The following RYR2 variants were observed in gnomAD, a reference collection of about 807,000 sequenced individuals.
RYR2 encodes the protein cardiac muscle ryanodine receptor-calcium release channel.
RYR2 carries 227 observed loss-of-function variants against 601.1 expected under a neutral mutation model. The ratio of observed to expected loss-of-function variants is 0.38; its 90% CI spans 0.34 to 0.42. The LOEUF (loss-of-function observed/expected upper bound fraction) is 0.42. Among genes scored for constraint, RYR2 ranks in the 10% least tolerant of loss-of-function variants. The pLI is 1.00. For synonymous variants in RYR2, 2,223 were observed against 2,175.1 expected (o/e 1.02, Z -0.61); for missense variants, 4,646 against 6,156.5 (o/e 0.75, Z 8.21).
chr1:237,305,612 T>C (rs922127598), intron 2 of RYR2, among the ~76,000 whole-genome samples: 7 of 152,094 alleles, frequency 4.6e-5, no homozygotes, highest in Non-Finnish European at 1.0e-4. Flanking sequence ...TTGTATTTTT[T>C]GTAGAGATGG....
chr1:237,171,126 C>A (rs928738556), intron 1 of RYR2, among the ~76,000 whole-genome samples: 1 of 151,258 alleles, frequency 6.6e-6, no homozygotes, highest in Non-Finnish European at 1.5e-5. Context: ...GCCAGCTACT[C>A]GGGAGGCTGA....
At chr1:237,714,558 C>T (rs1305665858) in intron 71 of RYR2, among the ~76,000 whole-genome samples, 2 of 152,108 alleles carry the variant, frequency 1.3e-5, no homozygotes, top group African/African-American at 4.8e-5. Context: ...GTCTTTCTTG[C>T]CATTTTCCTG....
At chr1:237,544,363 A>T (rs1669589092) in intron 25 of RYR2, among the ~76,000 whole-genome samples, 1 of 152,318 alleles carries the variant, frequency 6.6e-6, no homozygotes, top group Admixed American at 6.5e-5. Flanking sequence ...GAAGTTTCTC[A>T]TGATGTTTGA....
chr1:237,049,606 C>T (rs1661004403), intron 1 of RYR2, among the ~76,000 whole-genome samples: 1 of 152,126 alleles, frequency 6.6e-6, no homozygotes, highest in South Asian at 2.1e-4. Flanking sequence ...TTTGAATGAT[C>T]CTGGGGTCCC....
At position 237,639,157 on chromosome 1, in the gene RYR2, T is replaced by A. The variant is rs1489908718; in HGVS notation, c.7071T>A (p.Pro2357=). 6.2e-7 allele frequency: 1 copy of A among 1,613,834 alleles called. No homozygotes were observed. The highest frequency in any genetic ancestry group is 8.5e-7 in the Non-Finnish European group (1 of 1,179,808). The stretch of plus-strand genomic sequence containing the variant: ...AAGCCATCAAAATCGCCGAGGATCC[T>A]TCCCGAGATGGTCCCTCACCAAATA... ...MEEAIKIAED[P]SRDGPSPNSG... is the part of the protein sequence containing the mutation. The change falls in exon 46 of 105, where the codon CCT becomes CCA. Residue 2357 remains proline (P), a synonymous_variant. Transcript: ENST00000366574.
chr1:237,449,569 TTG>T (rs990893860), intron 14 of RYR2, among the ~76,000 whole-genome samples: 5 of 151,846 alleles, frequency 3.3e-5, no homozygotes, highest in African/African-American at 7.3e-5. Flanking sequence ...AGTGCTCTTT[TTG>T]TGTGTGTGTG....
chr1:237,822,295 G>A (rs1013545867), intron 101 of RYR2, among the ~76,000 whole-genome samples: 18 of 152,132 alleles, frequency 1.2e-4, no homozygotes, highest in African/African-American at 3.6e-4. Context: ...TCGGGTTACC[G>A]ACAAAGGGAA....
intron 89 of RYR2, among the ~76,000 whole-genome samples, chr1:237,781,936 TTTTA>T (rs905283735): frequency 5.3e-5 from 8 of 152,250 alleles, no homozygotes; most frequent in Admixed American, 2.6e-4. Flanking sequence ...ATAAAGAATA[TTTTA>T]TTTGTTAGTG....
At chr1:237,573,533 T>C (rs1672918653) in intron 29 of RYR2, among the ~76,000 whole-genome samples, 3 of 149,106 alleles carry the variant, frequency 2.0e-5, no homozygotes, top group Non-Finnish European at 3.0e-5. Context: ...AGGATAGGGT[T>C]GTTCTATAAA....
intron 93 of RYR2, 86 bp from the exon 94 acceptor site, chr1:237,792,019 T>C: frequency 1.1e-6 from 1 of 942,378 alleles, no homozygotes; most frequent in Non-Finnish European, 1.6e-6. Context: ...AACTATTTGC[T>C]GAAAAGGCTG....
intron 79 of RYR2, among the ~76,000 whole-genome samples, chr1:237,739,309 A>C (rs1355338553): frequency 6.6e-6 from 1 of 152,194 alleles, no homozygotes; most frequent in African/African-American, 2.4e-5. Context: ...AATCCTATGG[A>C]GAACTTCAGT....
At position 237,720,688 on chromosome 1, in the gene RYR2, G is replaced by A. The variant is rs138612261; in HGVS notation, c.10554+2167G>A. Among the ~76,000 whole-genome samples, 85 of 152,260 alleles carry A rather than the reference G, an allele frequency of 5.6e-4. 1 individual carries two copies. Among genetic ancestry groups the A allele is most frequent in the African/African-American group, 2.0e-3 (83 of 41,552 alleles). ...TGAAAGGGTGCAGGGGATCCCCAGG[G>A]GACCCTAGACCATACCTGGAGCACC... On this transcript the variant is annotated intron_variant, in intron 73 of 104. Coordinates refer to ENST00000366574, the MANE Select transcript of RYR2 (RefSeq NM_001035.3).
chr1:237,093,932 T>G (rs533902249), intron 1 of RYR2, among the ~76,000 whole-genome samples: 2 of 151,852 alleles, frequency 1.3e-5, no homozygotes, highest in African/African-American at 4.8e-5. Flanking sequence ...GGGCAGAGAG[T>G]CGAGGGGAAG....
rs1290039149 is a variant in RYR2, at chr1:237,222,295, CCCAGCT to C, written c.49-48199_49-48194del. On this transcript the variant is annotated intron_variant, in intron 1 of 104. Transcript: ENST00000366574. ...GGGCGTGGTGGCAGGCGCCTGTAGT[CCCAGCT>C]CCTCGGGAGGCTGAGGCAGGAGAAT... Among the ~76,000 whole-genome samples, 4 of 152,036 alleles carry C rather than the reference CCCAGCT, an allele frequency of 2.6e-5. No individual in the cohort carries two copies. The East Asian group carries it at 7.8e-4, about 30-fold the overall frequency.
chr1:237,432,440 G>T (rs1180542795), intron 12 of RYR2, among the ~76,000 whole-genome samples: 1 of 152,158 alleles, frequency 6.6e-6, no homozygotes, highest in Non-Finnish European at 1.5e-5. Context: ...GTTGGGAATG[G>T]AAAGAAAATT....
At chr1:237,507,849 G>C (rs982770550) in intron 23 of RYR2, among the ~76,000 whole-genome samples, 5 of 152,268 alleles carry the variant, frequency 3.3e-5, no homozygotes, top group Middle Eastern at 3.2e-3. Flanking sequence ...GCAAGTCACT[G>C]TAAGGCTTGC....
intron 1 of RYR2, among the ~76,000 whole-genome samples, chr1:237,141,067 T>A (rs752768021): frequency 6.6e-6 from 1 of 152,240 alleles, no homozygotes; most frequent in African/African-American, 2.4e-5. Flanking sequence ...GTACATGTCT[T>A]CTTGTGCAAA....
chr1:237,364,269 G>A (rs938016140), intron 4 of RYR2, 89 bp from the exon 5 acceptor site: 37 of 1,181,732 alleles, frequency 3.1e-5, no homozygotes, highest in South Asian at 4.3e-5. Flanking sequence ...TTAGGATAAC[G>A]GAGTCTTTAT....
At chr1:237,261,517 T>C (rs555847142) in intron 1 of RYR2, among the ~76,000 whole-genome samples, 1 of 152,330 alleles carries the variant, frequency 6.6e-6, no homozygotes, top group African/African-American at 2.4e-5. Flanking sequence ...CTCCCTGGAT[T>C]GCTCCCCCTC....
Sources: gnomAD v4.1 joint callset for allele counts (sites outside exome capture counted in the v4.1 genomes callset) on GRCh38, gnomAD v4.1.1 for gene constraint, MANE v1.5 for transcripts, NCBI Gene and HGNC (gene_info 2026-07-23, HGNC 2026-07-21) for gene names.